Variants in NIBAN1 observed in about 807,000 individuals in gnomAD.
NIBAN1 encodes protein Niban 1.
A neutral mutation model predicts 75.1 loss-of-function variants in NIBAN1; 81 were observed. The observed-to-expected ratio is 1.08, with a 90% CI of 0.90 to 1.30. The LOEUF (loss-of-function observed/expected upper bound fraction) is 1.30, where lower values mean the gene tolerates loss of function less well. Among genes scored for constraint, NIBAN1 ranks in the 50% most tolerant of loss-of-function variants. The pLI, the probability that NIBAN1 is intolerant of heterozygous loss-of-function variation, is 0.00. For missense variants in NIBAN1, 1,133 were observed against 1,128.1 expected, an observed-to-expected ratio of 1.00 and a Z score of -0.06; for synonymous variants, 436 against 424.8, an observed-to-expected ratio of 1.03 and a Z score of -0.32.
At chr1:184,942,250 C>T (rs147816334) in intron 1 of NIBAN1, among the ~76,000 whole-genome samples, 70 of 152,312 alleles carry the variant, frequency 4.6e-4, no homozygotes, top group Non-Finnish European at 7.2e-4. Flanking sequence ...TGGTAAGTAC[C>T]GTATCTTTCC....
intron 5 of NIBAN1, among the ~76,000 whole-genome samples, chr1:184,858,113 A>C (rs1655725371): frequency 6.6e-6 from 1 of 151,424 alleles, no homozygotes; most frequent in South Asian, 2.1e-4. Flanking sequence ...TTAAAGGTTA[A>C]TAATAACATA....
rs1034638836 is a variant in NIBAN1, at chr1:184,792,998, C to G, written c.*1979G>C. 1 of 152,240 alleles carries G rather than the reference C, an allele frequency of 6.6e-6. No homozygotes were observed. The highest frequency in any genetic ancestry group is 2.4e-5 in the African/African-American group (1 of 41,460). The allele number at this position is 152,240 out of a possible 1,614,324, so 9.4% of individuals were successfully genotyped here. On this transcript the variant is annotated 3_prime_UTR_variant, in exon 14 of 14. Coordinates refer to ENST00000367511, the MANE Select transcript of NIBAN1 (RefSeq NM_052966.4). ...GGGGAGAAGTGGTCTTTACTTCCTT[C>G]ACCTGTGGTGGGATCCCTCAAAGAC... is the stretch of plus-strand genomic sequence containing the variant.
intron 5 of NIBAN1, among the ~76,000 whole-genome samples, chr1:184,850,674 C>T (rs1169270191): frequency 1.8e-4 from 2 of 11,096 alleles, no homozygotes; most frequent in African/African-American, 6.6e-4. Context: ...AAAGAAACTA[C>T]CATCAGAGTG....
rs1171336214 is a variant in NIBAN1, at chr1:184,795,142, G to A, written c.2622C>T (p.Ala874=). The A allele has an allele frequency of 1.4e-5, 23 of 1,614,056 alleles. No homozygotes were observed. The highest frequency in any genetic ancestry group is 1.9e-5 in the Non-Finnish European group (22 of 1,180,062). Residue 874 remains alanine (A), a synonymous_variant, in exon 14 of 14, where the codon GCC becomes GCT. Coordinates refer to ENST00000367511, the MANE Select transcript of NIBAN1 (RefSeq NM_052966.4). ...TCTCCTCTGCATTCACACTGGCCGT[G>A]GCCTGGGCCGCGCTGCTTTGCCCTC... ...EMGGQSSAAQ[A]TASVNAEEIK...
In NIBAN1 at chr1:184,820,267, G is replaced by A. The variant is rs112154782; in HGVS notation, c.986-1442C>T. ...GAACAATGCTGAACATGGGTAATAT[G>A]CAATAAAGATCTAGCAGCAGATGGC... On this transcript the variant is annotated intron_variant, in intron 8 of 13. Transcript: ENST00000367511. Among the ~76,000 whole-genome samples the A allele has an allele frequency of 1.7e-3, 255 of 152,276 alleles. 2 individuals carry two copies. Among genetic ancestry groups the A allele is most frequent in the African/African-American group, 5.7e-3 (236 of 41,584 alleles).
intron 5 of NIBAN1, among the ~76,000 whole-genome samples, chr1:184,875,536 C>G (rs1448600039): frequency 6.6e-6 from 1 of 152,132 alleles, no homozygotes; most frequent in African/African-American, 2.4e-5. Context: ...AATAAGTGAT[C>G]CAAGAGAAAG....
chr1:184,887,427 A>G (rs890261656), intron 4 of NIBAN1, among the ~76,000 whole-genome samples: 1 of 152,208 alleles, frequency 6.6e-6, no homozygotes, highest in South Asian at 2.1e-4. Flanking sequence ...ATAAAATAAG[A>G]CTACATTTCC....
intron 1 of NIBAN1, among the ~76,000 whole-genome samples, chr1:184,900,188 A>G (rs1343393531): frequency 1.3e-5 from 2 of 152,166 alleles, no homozygotes; most frequent in Admixed American, 6.5e-5. Flanking sequence ...GATAAAATCA[A>G]CAAGTGTTTC....
chr1:184,894,453 G>C (rs761087440), intron 2 of NIBAN1, among the ~76,000 whole-genome samples: 1 of 152,164 alleles, frequency 6.6e-6, no homozygotes, highest in Non-Finnish European at 1.5e-5. Context: ...AGGAACAGAA[G>C]CATATGGTAG....
intron 8 of NIBAN1, among the ~76,000 whole-genome samples, chr1:184,821,113 G>T (rs935921664): frequency 6.6e-6 from 1 of 152,146 alleles, no homozygotes; most frequent in African/African-American, 2.4e-5. Context: ...GACATGCTTT[G>T]TATCCTCCTC....
chr1:184,900,028 C>T (rs149171095), intron 1 of NIBAN1, among the ~76,000 whole-genome samples: 2,114 of 152,092 alleles, frequency 0.014, 25 homozygotes, highest in Middle Eastern at 0.024. Flanking sequence ...GTTGGTCAGG[C>T]TGGTCTCGAA....
At chr1:184,878,891 G>T (rs533103864) in intron 5 of NIBAN1, among the ~76,000 whole-genome samples, 1 of 152,174 alleles carries the variant, frequency 6.6e-6, no homozygotes, top group Non-Finnish European at 1.5e-5. Flanking sequence ...GACCATGAAA[G>T]TCCCTCCCAA....
At chr1:184,830,689 C>G (rs1359989545) in intron 6 of NIBAN1, among the ~76,000 whole-genome samples, 1 of 151,972 alleles carries the variant, frequency 6.6e-6, no homozygotes, top group Non-Finnish European at 1.5e-5. Context: ...AAAAGAGGTA[C>G]CCTAGGAGAT....
At chr1:184,899,080 A>T in intron 2 of NIBAN1, 99 bp downstream of exon 2, 1 of 1,404,804 alleles carries the variant, frequency 7.1e-7, no homozygotes, top group South Asian at 1.3e-5. Context: ...CAGAGTTTTT[A>T]AAACTGCCAT....
In NIBAN1 at chr1:184,974,357, G is replaced by T; in HGVS notation, c.-1C>A. ...GCTGGCTGGAGGCTGAGCCGCCCAT[G>T]ACCGCGAGCTGCCTGTGCTGAGCGC... On this transcript the variant is annotated 5_prime_UTR_variant, in exon 1 of 14. Transcript: ENST00000367511. 6.4e-7 allele frequency: 1 copy of T among 1,558,126 alleles called. No individual in the cohort carries two copies. Among genetic ancestry groups the T allele is most frequent in the Non-Finnish European group, 8.6e-7 (1 of 1,158,782 alleles).
intron 1 of NIBAN1, among the ~76,000 whole-genome samples, chr1:184,926,879 C>CA (rs1328765071): frequency 6.6e-6 from 1 of 152,082 alleles, no homozygotes; most frequent in Non-Finnish European, 1.5e-5. Flanking sequence ...TGTGTATTTT[C>CA]AAACAGCCTG....
chr1:184,879,199 T>G (rs935692361), intron 5 of NIBAN1, among the ~76,000 whole-genome samples: 1 of 152,232 alleles, frequency 6.6e-6, no homozygotes, highest in African/African-American at 2.4e-5. Context: ...GAGGGTTTTA[T>G]GTATGCATTT....
intron 5 of NIBAN1, among the ~76,000 whole-genome samples, chr1:184,858,287 A>C (rs1655730004): frequency 6.6e-6 from 1 of 152,158 alleles, no homozygotes; most frequent in African/African-American, 2.4e-5. Context: ...AGATATAAAA[A>C]GGGTTAATAT....
In NIBAN1 at chr1:184,959,606, G is replaced by T. The variant is rs527860502; in HGVS notation, c.55+14696C>A. Among the ~76,000 whole-genome samples the T allele has an allele frequency of 1.1e-4, 17 of 152,266 alleles. No individual in the cohort carries two copies. The South Asian group carries it at 3.3e-3, about 30-fold the overall frequency. ...TAGATATTGTGAATTTTACATTGTTGTATGGGTATTTTGTTGCATTCTTAT... is the reference window on the plus strand; with the variant it reads ...TAGATATTGTGAATTTTACATTGTTTTATGGGTATTTTGTTGCATTCTTAT... On this transcript the variant is annotated intron_variant, in intron 1 of 13. Coordinates refer to ENST00000367511, the MANE Select transcript of NIBAN1 (RefSeq NM_052966.4).
Sources: allele counts gnomAD v4.1 joint callset (sites outside exome capture counted in the v4.1 genomes callset), GRCh38; gene constraint gnomAD v4.1.1; transcripts MANE v1.5; gene names NCBI Gene and HGNC (gene_info 2026-07-23, HGNC 2026-07-21).